Variants in MEIS1 observed in about 807,000 individuals in gnomAD.
MEIS1 encodes the protein homeobox protein Meis1.
Under a neutral mutation model 50.8 loss-of-function variants are expected in MEIS1, and 5 were observed. The ratio of observed to expected loss-of-function variants is 0.10; its 90% CI spans 0.05 to 0.21. The LOEUF is 0.21. MEIS1 is among the 10% of genes least tolerant of loss of function. The pLI, the probability that MEIS1 is intolerant of heterozygous loss-of-function variation, is 1.00. For missense variants in MEIS1, 318 were observed against 517.3 expected (o/e 0.61, Z 3.74); for synonymous variants, 176 against 179.3 (o/e 0.98, Z 0.15).
chr2:66,517,387 T>A (rs927040095), intron 8 of MEIS1, among the ~76,000 whole-genome samples: 1 of 152,172 alleles, frequency 6.6e-6, no homozygotes, highest in Non-Finnish European at 1.5e-5. Context: ...TTAAGAGCCT[T>A]GAAAACTAGT....
At chr2:66,542,828 C>G (rs1674687593) in intron 8 of MEIS1, among the ~76,000 whole-genome samples, 1 of 152,146 alleles carries the variant, frequency 6.6e-6, no homozygotes, top group Non-Finnish European at 1.5e-5. Flanking sequence ...AACTTCATCA[C>G]TTTCTTGGCA....
chr2:66,486,199 T>C (rs946057885), intron 7 of MEIS1, among the ~76,000 whole-genome samples: 3 of 152,228 alleles, frequency 2.0e-5, no homozygotes, highest in African/African-American at 7.2e-5. Context: ...TGTTATCGCC[T>C]AGGTTTTCTT....
At chr2:66,523,243 G>A (rs776509763) in intron 8 of MEIS1, among the ~76,000 whole-genome samples, 1 of 152,146 alleles carries the variant, frequency 6.6e-6, no homozygotes, top group Non-Finnish European at 1.5e-5. Flanking sequence ...AAAATCAATA[G>A]GCCAGCATAG....
At chr2:66,491,219 GC>G (rs1673265927) in intron 7 of MEIS1, among the ~76,000 whole-genome samples, 1 of 152,128 alleles carries the variant, frequency 6.6e-6, no homozygotes, top group African/African-American at 2.4e-5. Flanking sequence ...CCATCTCTAT[GC>G]CCCCACAATA....
chr2:66,486,752 G>C (rs1673153036), intron 7 of MEIS1, among the ~76,000 whole-genome samples: 1 of 152,176 alleles, frequency 6.6e-6, no homozygotes. Flanking sequence ...TTTTCCATTT[G>C]TTTGTGTCCT....
intron 5 of MEIS1, 74 bp from the exon 6 acceptor site, chr2:66,442,828 G>A: frequency 7.2e-7 from 1 of 1,383,298 alleles, no homozygotes; most frequent in Non-Finnish European, 9.7e-7. Context: ...CACAAGGGGG[G>A]TGGATTGCAC....
chr2:66,560,044 C>G (rs1399383712), intron 9 of MEIS1, among the ~76,000 whole-genome samples: 1 of 151,040 alleles, frequency 6.6e-6, no homozygotes, highest in Non-Finnish European at 1.5e-5. Context: ...GATCCTCCTG[C>G]CTTGGCCTCC....
At chr2:66,474,885 G>A (rs906879709) in intron 7 of MEIS1, among the ~76,000 whole-genome samples, 12 of 152,068 alleles carry the variant, frequency 7.9e-5, no homozygotes, top group South Asian at 2.1e-4. Context: ...ATGACCTTAC[G>A]TAGCAAAGCT....
At chr2:66,501,683 A>G (rs1251637003) in intron 7 of MEIS1, among the ~76,000 whole-genome samples, 6 of 152,160 alleles carry the variant, frequency 3.9e-5, no homozygotes, top group Non-Finnish European at 7.4e-5. Flanking sequence ...AATTTATCCA[A>G]TTTCCTGGTG....
chr2:66,471,629 T>G (rs534461003), intron 7 of MEIS1, among the ~76,000 whole-genome samples: 54 of 152,298 alleles, frequency 3.5e-4, no homozygotes, highest in Non-Finnish European at 5.6e-4. Context: ...AAGAAATAAG[T>G]AGTAAGGAAG....
rs558928137 is a variant in MEIS1, at chr2:66,439,730, A to G, written c.240-113A>G. 3.4e-4 allele frequency: 540 copies of G among 1,582,714 alleles called. 3 individuals carry two copies. The African/African-American group carries it at 4.2e-3, about 12-fold the overall frequency. ...GAAAAGGAAAAAAGTAGATGACACAATCGGAGAGGGGGTCTGTTCCTCTTG... is the reference window on the plus strand; with the variant it reads ...GAAAAGGAAAAAAGTAGATGACACAGTCGGAGAGGGGGTCTGTTCCTCTTG... On this transcript the variant is annotated intron_variant, in intron 2 of 12. Transcript: ENST00000272369.
At chr2:66,452,939 T>C (rs1048015804) in intron 6 of MEIS1, among the ~76,000 whole-genome samples, 4 of 151,970 alleles carry the variant, frequency 2.6e-5, no homozygotes, top group African/African-American at 9.7e-5. Flanking sequence ...ATGAAGTGTA[T>C]TGCTAGTGTT....
chr2:66,498,243 C>T (rs191298821), intron 7 of MEIS1, among the ~76,000 whole-genome samples: 5 of 152,196 alleles, frequency 3.3e-5, no homozygotes, highest in Non-Finnish European at 5.9e-5. Context: ...CCAAACGATG[C>T]GCGAAACATT....
chr2:66,563,932 T>C (rs1008885942), intron 9 of MEIS1, among the ~76,000 whole-genome samples: 1 of 152,156 alleles, frequency 6.6e-6, no homozygotes. Flanking sequence ...GAAAAGGTGA[T>C]GTTGTTTTAA....
intron 7 of MEIS1, among the ~76,000 whole-genome samples, chr2:66,491,093 A>AAG (rs58402740): frequency 0.31 from 46,609 of 151,868 alleles, 10,240 homozygotes; most frequent in African/African-American, 0.62. Context: ...GGAAAAAAAA[A>AAG]AGAGAATAAA....
intron 9 of MEIS1, among the ~76,000 whole-genome samples, chr2:66,561,536 G>T (rs1675212948): frequency 6.6e-6 from 1 of 152,088 alleles, no homozygotes; most frequent in Admixed American, 6.6e-5. Flanking sequence ...ATTTAAGAAT[G>T]CACAGTGTTA....
intron 6 of MEIS1, chr2:66,461,964 T>C: frequency 2.3e-6 from 1 of 433,854 alleles, no homozygotes; most frequent in Non-Finnish European, 4.7e-6. Flanking sequence ...CTATGCAGAA[T>C]AGAATGTGGA....
At chr2:66,551,631 A>G (rs1674924132) in intron 9 of MEIS1, among the ~76,000 whole-genome samples, 1 of 152,040 alleles carries the variant, frequency 6.6e-6, no homozygotes, top group Non-Finnish European at 1.5e-5. Context: ...ATTTTTAAAT[A>G]AATTATCTAA....
intron 8 of MEIS1, among the ~76,000 whole-genome samples, chr2:66,544,453 A>G (rs1179530184): frequency 1.3e-5 from 2 of 152,070 alleles, no homozygotes; most frequent in Non-Finnish European, 2.9e-5. Flanking sequence ...GCAATTACAG[A>G]CTTTTTTCAG....
Sources: allele counts gnomAD v4.1 joint callset (sites outside exome capture counted in the v4.1 genomes callset), GRCh38; gene constraint gnomAD v4.1.1; transcripts MANE v1.5; gene names NCBI Gene and HGNC (gene_info 2026-07-23, HGNC 2026-07-21).